The following INPP4B variants were observed in gnomAD, a reference collection of about 807,000 sequenced individuals.
INPP4B encodes the protein inositol polyphosphate-4-phosphatase type II B, also known as inositol polyphosphate 4-phosphatase type II.
INPP4B carries 55 observed loss-of-function variants against 122.5 expected under a neutral mutation model. The ratio of observed to expected loss-of-function variants is 0.45; its 90% CI spans 0.36 to 0.56. INPP4B has a LOEUF of 0.56. Among genes scored for constraint, INPP4B ranks in the 20% least tolerant of loss-of-function variants. The pLI is 0.00. For missense variants in INPP4B, 1,000 were observed against 1,097.7 expected (o/e 0.91, Z 1.26); for synonymous variants, 403 against 388.7 (o/e 1.04, Z -0.43).
chr4:142,764,849 G>A lies in INPP4B; in HGVS notation c.-253-38948C>T, dbSNP rs1162577939. Reference sequence around the variant, plus strand: ...ACACGGAGGTTAAGGCTAGACCATCGAGGCCCTTAAATATGAGGCTAAGAC... The same window carrying A: ...ACACGGAGGTTAAGGCTAGACCATCAAGGCCCTTAAATATGAGGCTAAGAC... On this transcript the variant is annotated intron_variant, in intron 1 of 25. Transcript: ENST00000262992. 2.6e-5 allele frequency among the ~76,000 whole-genome samples: 4 copies of A among 151,840 alleles called. No individual in the cohort carries two copies. In the East Asian group the frequency reaches 7.7e-4, roughly 29 times the overall value.
At chr4:142,128,225 T>G (rs1349267974) in intron 18 of INPP4B, among the ~76,000 whole-genome samples, 2 of 151,630 alleles carry the variant, frequency 1.3e-5, no homozygotes, top group Non-Finnish European at 2.9e-5. Flanking sequence ...TGTGTGTGTA[T>G]GTATATACAC....
rs751236631 is a variant in INPP4B, at chr4:142,124,771, G to C, written c.1721-11C>G. The C allele has an allele frequency of 2.6e-6, 4 of 1,519,954 alleles. No homozygotes were observed. Among genetic ancestry groups the C allele is most frequent in the African/African-American group, 2.8e-5 (2 of 72,422 alleles). The allele number at this position is 1,519,954 out of a possible 1,614,324, so 94.2% of individuals were successfully genotyped here. ...GTTCATACCAGTCCTCTGGGGGAAG[G>C]GGGTGTAAGAACAGTGCAATAGATG... On this transcript the variant is annotated splice_polypyrimidine_tract_variant and intron_variant, in intron 18 of 25. Coordinates refer to ENST00000262992, the MANE Select transcript of INPP4B (RefSeq NM_001101669.3).
At chr4:142,505,533 C>G (rs1012402348) in intron 2 of INPP4B, among the ~76,000 whole-genome samples, 2 of 150,598 alleles carry the variant, frequency 1.3e-5, no homozygotes, top group African/African-American at 4.9e-5. Flanking sequence ...TCCTCATCCA[C>G]GAAGTAAGAT....
intron 2 of INPP4B, among the ~76,000 whole-genome samples, chr4:142,709,074 C>A (rs1354565157): frequency 1.3e-5 from 2 of 152,138 alleles, no homozygotes; most frequent in Admixed American, 6.5e-5. Flanking sequence ...TTATTTTGGA[C>A]CTTTAAGATT....
At chr4:142,821,470 T>C (rs1347311807) in intron 1 of INPP4B, among the ~76,000 whole-genome samples, 2 of 152,108 alleles carry the variant, frequency 1.3e-5, no homozygotes, top group Non-Finnish European at 2.9e-5. Flanking sequence ...AGCATAACAA[T>C]AATATACATT....
chr4:142,061,885 C>CATAT (rs66485353), intron 25 of INPP4B, among the ~76,000 whole-genome samples: 5 of 139,310 alleles, frequency 3.6e-5, no homozygotes, highest in Admixed American at 7.0e-5. Context: ...CACACACACA[C>CATAT]ATATATATAT....
chr4:142,464,745 T>C (rs1223658537), intron 2 of INPP4B, among the ~76,000 whole-genome samples: 2 of 152,204 alleles, frequency 1.3e-5, no homozygotes, highest in African/African-American at 4.8e-5. Flanking sequence ...ATATGTGTGC[T>C]ATATCAAACT....
At chr4:142,190,427 G>A (rs1345000606) in intron 15 of INPP4B, among the ~76,000 whole-genome samples, 1 of 152,068 alleles carries the variant, frequency 6.6e-6, no homozygotes, top group South Asian at 2.1e-4. Context: ...GGCATGGTGC[G>A]ATAACTCTGT....
At chr4:142,223,647 A>G (rs1850311901) in intron 12 of INPP4B, among the ~76,000 whole-genome samples, 1 of 152,166 alleles carries the variant, frequency 6.6e-6, no homozygotes, top group Admixed American at 6.5e-5. Flanking sequence ...AATCCATAAC[A>G]ATGAACTTAA....
chr4:142,569,477 CT>C (rs1217483725), intron 2 of INPP4B, among the ~76,000 whole-genome samples: 2 of 151,992 alleles, frequency 1.3e-5, no homozygotes, highest in African/African-American at 4.8e-5. Context: ...ACAAACAAAC[CT>C]ATGAGGTGAA....
At chr4:142,766,188 G>T (rs1274716374) in intron 1 of INPP4B, among the ~76,000 whole-genome samples, 1 of 152,084 alleles carries the variant, frequency 6.6e-6, no homozygotes, top group African/African-American at 2.4e-5. Flanking sequence ...TTTGTAGGGT[G>T]TGCCTATCAG....
rs563197822 is a variant in INPP4B, at chr4:142,228,930, A to C, written c.836+8934T>G. On this transcript the variant is annotated intron_variant, in intron 12 of 25. Coordinates refer to ENST00000262992, the MANE Select transcript of INPP4B (RefSeq NM_001101669.3). ...ACCACACAGGTAATCAAAAACTATA[A>C]TTTTAAAAAGTAATAAGAGTTTAAG... is the stretch of plus-strand genomic sequence containing the variant. Among the ~76,000 whole-genome samples the C allele has an allele frequency of 4.6e-5, 7 of 151,622 alleles. No homozygotes were observed. In the South Asian group the frequency reaches 1.5e-3, roughly 31 times the overall value.
chr4:142,649,442 C>T (rs1752474726), intron 2 of INPP4B, among the ~76,000 whole-genome samples: 1 of 152,076 alleles, frequency 6.6e-6, no homozygotes, highest in South Asian at 2.1e-4. Flanking sequence ...AGAAGCATGT[C>T]CAAACCCATT....
chr4:142,618,952 G>C (rs1480571470), intron 2 of INPP4B, among the ~76,000 whole-genome samples: 1 of 151,708 alleles, frequency 6.6e-6, no homozygotes, highest in Non-Finnish European at 1.5e-5. Flanking sequence ...TTTCTCCAAA[G>C]ACCACATATG....
chr4:142,363,092 G>A (rs374981964), intron 7 of INPP4B, among the ~76,000 whole-genome samples: 1 of 152,052 alleles, frequency 6.6e-6, no homozygotes, highest in Middle Eastern at 3.4e-3. Flanking sequence ...TGCCTTTGGC[G>A]CCATTTAGCT....
At chr4:142,042,554 G>GTATT (rs1450370465) in intron 25 of INPP4B, among the ~76,000 whole-genome samples, 375 of 32,740 alleles carry the variant, frequency 0.011, no homozygotes, top group African/African-American at 0.021. Flanking sequence ...ATGTATGTAT[G>GTATT]TATGTATTTA....
At chr4:142,776,321 A>G (rs1773910165) in intron 1 of INPP4B, among the ~76,000 whole-genome samples, 2 of 152,180 alleles carry the variant, frequency 1.3e-5, no homozygotes, top group African/African-American at 4.8e-5. Context: ...ATAATTACCA[A>G]GGATCTCACT....
At chr4:142,095,683 G>A (rs527940053) in intron 23 of INPP4B, among the ~76,000 whole-genome samples, 5 of 152,196 alleles carry the variant, frequency 3.3e-5, no homozygotes, top group East Asian at 1.9e-4. Context: ...GTGATTTCAC[G>A]AAAAAATTAA....
At chr4:142,651,344 A>C (rs1180102241) in intron 2 of INPP4B, among the ~76,000 whole-genome samples, 1 of 152,192 alleles carries the variant, frequency 6.6e-6, no homozygotes, top group African/African-American at 2.4e-5. Flanking sequence ...TTCAAAAGCT[A>C]GTGGAAGGCA....
Sources: gnomAD v4.1 joint callset for allele counts (sites outside exome capture counted in the v4.1 genomes callset) on GRCh38, gnomAD v4.1.1 for gene constraint, MANE v1.5 for transcripts, NCBI Gene and HGNC (gene_info 2026-07-23, HGNC 2026-07-21) for gene names.